Variants in PRAG1 observed in about 807,000 individuals in gnomAD.
PRAG1 encodes PEAK1 related, kinase-activating pseudokinase 1.
In PRAG1, 110 loss-of-function variants were observed where a neutral mutation model predicts 95.6. The ratio of observed to expected loss-of-function variants is 1.15; its 90% confidence interval spans 0.99 to 1.35. The LOEUF (loss-of-function observed/expected upper bound fraction) is 1.35, where lower values mean the gene tolerates loss of function less well. Among genes scored for constraint, PRAG1 ranks in the 40% most tolerant of loss-of-function variants. The probability of loss-of-function intolerance (pLI) is 0.00; values close to 1 mark genes in which losing one functional copy is unlikely to be tolerated. For missense variants in PRAG1, 2,554 were observed against 1,864.7 expected (o/e 1.37, Z -6.81); for synonymous variants, 1,052 against 819.4 (o/e 1.28, Z -4.85).
intron 3 of PRAG1, among the ~76,000 whole-genome samples, chr8:8,359,495 T>C (rs1017939782): frequency 6.6e-6 from 1 of 152,224 alleles, no homozygotes; most frequent in Non-Finnish European, 1.5e-5. Flanking sequence ...ATGAGTCGTC[T>C]AGACTATCTG....
chr8:8,374,824 G>T, intron 3 of PRAG1: 2 of 325,844 alleles, frequency 6.1e-6, no homozygotes, highest in Non-Finnish European at 8.8e-6. Flanking sequence ...TGCCTGAGAC[G>T]CCGTGATGTT....
chr8:8,337,169 C>T (rs564428109), intron 4 of PRAG1, among the ~76,000 whole-genome samples: 1 of 152,184 alleles, frequency 6.6e-6, no homozygotes, highest in African/African-American at 2.4e-5. Flanking sequence ...ATTAGAAAGG[C>T]AGACACTACA....
intron 3 of PRAG1, among the ~76,000 whole-genome samples, chr8:8,352,206 G>A (rs181297337): frequency 4.6e-5 from 7 of 152,240 alleles, no homozygotes; most frequent in African/African-American, 1.7e-4. Flanking sequence ...TCACGCTGGG[G>A]CAGCCTTTTG....
At chr8:8,368,240 C>T (rs1040811108) in intron 3 of PRAG1, among the ~76,000 whole-genome samples, 2 of 152,182 alleles carry the variant, frequency 1.3e-5, no homozygotes, top group African/African-American at 4.8e-5. Flanking sequence ...GGCCTGGAAG[C>T]TCCTCTCATG....
intron 4 of PRAG1, among the ~76,000 whole-genome samples, chr8:8,330,251 A>C (rs1377241523): frequency 1.3e-5 from 2 of 152,166 alleles, no homozygotes; most frequent in African/African-American, 4.8e-5. Flanking sequence ...CTATAATCCC[A>C]GCTACTCAGG....
chr8:8,317,805 A>T lies in PRAG1; in HGVS notation c.*349T>A. 1 of 169,116 alleles carries T rather than the reference A, an allele frequency of 5.9e-6. No homozygotes were observed. The highest frequency in any genetic ancestry group is 1.2e-5 in the Non-Finnish European group (1 of 80,080). 10.5% of individuals were successfully genotyped at this position (169,116 alleles called of 1,614,324 possible). A position where few individuals can be genotyped will look rare whatever the true frequency, so the allele number is the denominator to read the frequency against. On this transcript the variant is annotated 3_prime_UTR_variant, in exon 6 of 6. Coordinates refer to ENST00000615670, the MANE Select transcript of PRAG1 (RefSeq NM_001080826.3). ...TTTTTTTTCTTTAAATAACAATTTG[A>T]CAAAAGGGTGAAGAAATCCTAAACA...
chr8:8,330,711 T>G (rs961085744), intron 4 of PRAG1, among the ~76,000 whole-genome samples: 1 of 152,060 alleles, frequency 6.6e-6, no homozygotes, highest in Non-Finnish European at 1.5e-5. Flanking sequence ...TCTCAGCAGG[T>G]GCTGAAATCC....
intron 4 of PRAG1, among the ~76,000 whole-genome samples, chr8:8,334,367 T>C (rs2979221): frequency 0.21 from 31,343 of 150,850 alleles, 3,530 homozygotes; most frequent in African/African-American, 0.3. Flanking sequence ...AGCCTGGAAG[T>C]GGAGGTTGCA....
At chr8:8,333,950 A>G (rs1798903308) in intron 4 of PRAG1, among the ~76,000 whole-genome samples, 1 of 152,224 alleles carries the variant, frequency 6.6e-6, no homozygotes. Flanking sequence ...CCTTGCCAAT[A>G]TCACCCAGGA....
chr8:8,368,651 C>A (rs1206727902), intron 3 of PRAG1, among the ~76,000 whole-genome samples: 1 of 152,126 alleles, frequency 6.6e-6, no homozygotes, highest in African/African-American at 2.4e-5. Context: ...AGTTTCACAA[C>A]CAATTATGCA....
rs981017632 is a variant in PRAG1, at chr8:8,328,064, C to G, written c.2718G>C (p.Gly906=). Residue 906 remains glycine, a synonymous_variant, in exon 5 of 6, where the codon GGG becomes GGC. Transcript: ENST00000615670. ...AGLAGNRGGC[G]SPGLQCKGAP... ...CCCCTTTGCACTGGAGGCCAGGGCT[C>G]CCGCAGCCGCCTCTGTTGCCCGCCA... 1.9e-6 allele frequency: 3 copies of G among 1,597,882 alleles called. No individual in the cohort carries two copies. Among genetic ancestry groups the G allele is most frequent in the African/African-American group, 2.7e-5 (2 of 74,564 alleles).
In PRAG1 at chr8:8,318,793, G is replaced by T; in HGVS notation, c.3582C>A (p.Pro1194=). ...CTTCCGGGGAGGCGGGGCCGGCTGC[G>T]GGGCTGAGAGTGCCACCAGCAGGCG... is the stretch of plus-strand genomic sequence containing the variant. The part of the protein sequence containing the change: ...AAPPAGGTLS[P]AAGPASPEGP... The change falls in exon 6 of 6, where the codon CCC becomes CCA. Residue 1194 remains proline, a synonymous_variant. Transcript: ENST00000615670. This position sits in a 1 kb window ranked among gnomAD's most constrained non-coding sequence, Gnocchi z 4.2. The T allele has an allele frequency of 6.6e-7, 1 of 1,507,388 alleles. No homozygotes were observed. Among genetic ancestry groups the T allele is most frequent in the Non-Finnish European group, 8.9e-7 (1 of 1,126,326 alleles). The allele number at this position is 1,507,388 out of a possible 1,614,324, so 93.4% of individuals were successfully genotyped here.
At position 8,318,316 on chromosome 8, in the gene PRAG1, G is replaced by A. The variant is rs761747429; in HGVS notation, c.4059C>T (p.Asn1353=). 3.1e-6 allele frequency: 5 copies of A among 1,614,168 alleles called. No homozygotes were observed. The highest frequency in any genetic ancestry group is 2.2e-5 in the South Asian group (2 of 91,088). Reference sequence around the variant, plus strand: ...TCAGGGCCCGCTTCATGTCGATCCAGTTGTGCAGCGTGCCGCACAGCGCCT... The same window carrying A: ...TCAGGGCCCGCTTCATGTCGATCCAATTGTGCAGCGTGCCGCACAGCGCCT... The part of the protein sequence containing the change: ...SEEALCGTLH[N]WIDMKRALMM... The change falls in exon 6 of 6, where the codon AAC becomes AAT. Residue 1353 remains asparagine, a synonymous_variant. Transcript: ENST00000615670. The surrounding 1 kb of genome is among the most constrained non-coding windows in gnomAD (Gnocchi z 4.2).
intron 4 of PRAG1, among the ~76,000 whole-genome samples, chr8:8,328,737 C>A (rs1389803119): frequency 1.3e-5 from 2 of 152,134 alleles, no homozygotes; most frequent in East Asian, 3.9e-4. Flanking sequence ...TTCATGCATC[C>A]CTCCAACAAT....
Position 8,324,968 on chromosome 8 carries a change from C to G in PRAG1, c.3072+2742G>C, listed in dbSNP as rs558577416. On this transcript the variant is annotated intron_variant, in intron 5 of 5. Transcript: ENST00000615670. ...AGCCCAAAGTAGTAGGTTCCAGCAT[C>G]AGCAAGGAGCAGGTGTGAGCCTGCT... Among the ~76,000 whole-genome samples the G allele has an allele frequency of 2.0e-5, 3 of 152,318 alleles. No homozygotes were observed. In the South Asian group the frequency reaches 6.2e-4, roughly 32 times the overall value.
intron 4 of PRAG1, among the ~76,000 whole-genome samples, chr8:8,333,255 G>A (rs2117129618): frequency 6.6e-6 from 1 of 152,284 alleles, no homozygotes; most frequent in South Asian, 2.1e-4. Context: ...TGCTAATTGG[G>A]CCAGAGGGCT....
At chr8:8,379,022 T>A (rs1800542943) in intron 2 of PRAG1, among the ~76,000 whole-genome samples, 1 of 151,320 alleles carries the variant, frequency 6.6e-6, no homozygotes, top group Non-Finnish European at 1.5e-5. Flanking sequence ...CTGAACTGGA[T>A]CAGGGTGAGG....
chr8:8,325,535 A>T (rs950317094), intron 5 of PRAG1, among the ~76,000 whole-genome samples: 4 of 152,188 alleles, frequency 2.6e-5, no homozygotes, highest in Non-Finnish European at 5.9e-5. Context: ...TGTGTTGTTT[A>T]TTAGAGAATA....
At chr8:8,355,469 G>C (rs73184335) in intron 3 of PRAG1, among the ~76,000 whole-genome samples, 13,730 of 152,054 alleles carry the variant, frequency 0.09, 727 homozygotes, top group Middle Eastern at 0.12. Context: ...AAGCAATATT[G>C]AGAAAGAAAA....
Sources: gnomAD v4.1 joint callset for allele counts (sites outside exome capture counted in the v4.1 genomes callset) on GRCh38, gnomAD v4.1.1 for gene constraint, Gnocchi (gnomAD v3.1) non-coding constraint, MANE v1.5 for transcripts, NCBI Gene and HGNC (gene_info 2026-07-23, HGNC 2026-07-21) for gene names.